Variants in KIF25 observed in about 807,000 individuals in gnomAD.
KIF25 encodes kinesin-like protein KIF25.
In KIF25, 19 loss-of-function variants were observed where a neutral mutation model predicts 32.9. The observed-to-expected ratio is 0.58, with a 90% CI of 0.40 to 0.85. The LOEUF (loss-of-function observed/expected upper bound fraction) is 0.85, where lower values mean the gene tolerates loss of function less well. Ranked by LOEUF, KIF25 falls within the 40% of genes least tolerant of loss-of-function variation. The pLI, the probability that KIF25 is intolerant of heterozygous loss-of-function variation, is 0.00. For synonymous variants in KIF25, 225 were observed against 213.7 expected (o/e 1.05, Z -0.46); for missense variants, 485 against 507.0 (o/e 0.96, Z 0.42).
At chr6:168,014,850 T>C (rs536512812) in intron 4 of KIF25, among the ~76,000 whole-genome samples, 1 of 152,370 alleles carries the variant, frequency 6.6e-6, no homozygotes, top group East Asian at 1.9e-4. Flanking sequence ...TTTCTGGCTT[T>C]GTATCAAGTT....
chr6:168,007,978 C>T (rs1164555720), intron 4 of KIF25, among the ~76,000 whole-genome samples: 1 of 152,204 alleles, frequency 6.6e-6, no homozygotes, highest in Non-Finnish European at 1.5e-5. Flanking sequence ...CTGCATCACT[C>T]TTATCTTAAA....
chr6:168,038,690 C>T lies in KIF25; in HGVS notation c.455C>T (p.Ala152Val), dbSNP rs752507422. 6.2e-7 allele frequency: 1 copy of T among 1,614,104 alleles called. No individual in the cohort carries two copies. The highest frequency in any genetic ancestry group is 8.5e-7 in the Non-Finnish European group (1 of 1,180,018). ...VSGVKREVVT[A>V]KDGRTEVALL... ...GGGGTCAAGCGTGAGGTGGTGACAG[C>T]CAAGGATGGACGGACAGAGGTTGCG... is the stretch of plus-strand genomic sequence containing the variant. The change falls in exon 9 of 13, where the codon GCC (alanine) becomes GTC (valine). Residue 152 changes from alanine (A) to valine (V), a missense_variant. Coordinates refer to ENST00000643607, the MANE Select transcript of KIF25 (RefSeq NM_030615.4).
At chr6:168,038,869 G>A (rs976040065) in intron 9 of KIF25, 140 bp downstream of exon 9, 53 of 752,534 alleles carry the variant, frequency 7.0e-5, no homozygotes, top group Admixed American at 1.7e-4. Flanking sequence ...GTGGTGGCCC[G>A]ATCAGTGCTC....
intron 4 of KIF25, among the ~76,000 whole-genome samples, chr6:168,005,116 G>A (rs1042006041): frequency 2.6e-5 from 4 of 151,856 alleles, no homozygotes; most frequent in African/African-American, 4.8e-5. Context: ...CGAGCTTGGC[G>A]TGCACGAGCC....
At chr6:168,020,486 T>C (rs1413575965) in intron 5 of KIF25, among the ~76,000 whole-genome samples, 4 of 152,106 alleles carry the variant, frequency 2.6e-5, no homozygotes, top group African/African-American at 7.2e-5. Flanking sequence ...AAAAAAACTC[T>C]TCCAAATCTA....
At chr6:168,031,688 A>T (rs1798944569) in intron 7 of KIF25, among the ~76,000 whole-genome samples, 1 of 152,224 alleles carries the variant, frequency 6.6e-6, no homozygotes, top group African/African-American at 2.4e-5. Flanking sequence ...GTCTCTTTTT[A>T]AGTAGGCATC....
At chr6:168,015,720 T>C (rs906530869) in intron 4 of KIF25, among the ~76,000 whole-genome samples, 2 of 152,250 alleles carry the variant, frequency 1.3e-5, no homozygotes, top group African/African-American at 4.8e-5. Context: ...GGGAGGGTTT[T>C]TGGACAGGCA....
intron 2 of KIF25, among the ~76,000 whole-genome samples, chr6:167,999,626 G>A (rs1798469978): frequency 6.6e-6 from 1 of 152,174 alleles, no homozygotes; most frequent in African/African-American, 2.4e-5. Flanking sequence ...CGACCGAACA[G>A]GGACAGGCTT....
Position 168,027,930 on chromosome 6 carries a change from C to T in KIF25, c.-94-1562C>T, listed in dbSNP as rs145908483. Among the ~76,000 whole-genome samples, 1,076 of 152,242 alleles carry T rather than the reference C, an allele frequency of 7.1e-3. 8 individuals are homozygous for T. The highest frequency in any genetic ancestry group is 0.018 in the East Asian group (94 of 5,180). On this transcript the variant is annotated intron_variant, in intron 5 of 12. Transcript: ENST00000643607. ...GATAGAACAGAAATATTTAAGCCGCCGCTACTTTCTCAGTCTGTCGTTTGC... is the reference window on the plus strand; with the variant it reads ...GATAGAACAGAAATATTTAAGCCGCTGCTACTTTCTCAGTCTGTCGTTTGC...
chr6:168,010,042 C>T (rs2843003), intron 4 of KIF25, among the ~76,000 whole-genome samples: 52,014 of 151,502 alleles, frequency 0.34, 9,155 homozygotes, highest in African/African-American at 0.4. Context: ...TTCTGTATTT[C>T]TTGTGTCAAT....
intron 4 of KIF25, among the ~76,000 whole-genome samples, chr6:168,012,847 G>A (rs9355048): frequency 0.34 from 51,322 of 151,846 alleles, 9,015 homozygotes; most frequent in South Asian, 0.42. Flanking sequence ...GGCCTGGGAC[G>A]AGGGCACATG....
At chr6:168,011,736 G>A (rs1030899352) in intron 4 of KIF25, among the ~76,000 whole-genome samples, 6 of 152,156 alleles carry the variant, frequency 3.9e-5, no homozygotes, top group African/African-American at 1.4e-4. Context: ...GACTTGGGAA[G>A]TTTTCTGCTG....
chr6:168,027,475 A>G (rs1269113380), intron 5 of KIF25, among the ~76,000 whole-genome samples: 2 of 141,530 alleles, frequency 1.4e-5, no homozygotes, highest in Non-Finnish European at 3.1e-5. Context: ...AAAAAAAAAA[A>G]GAGAGAGAGA....
At chr6:168,041,615 G>A (rs1211664425) in intron 10 of KIF25, among the ~76,000 whole-genome samples, 1 of 152,208 alleles carries the variant, frequency 6.6e-6, no homozygotes, top group Non-Finnish European at 1.5e-5. Flanking sequence ...GATTTGTGTG[G>A]AAGATTATCG....
intron 8 of KIF25, among the ~76,000 whole-genome samples, chr6:168,036,441 G>T (rs1799027272): frequency 6.6e-6 from 1 of 152,204 alleles, no homozygotes; most frequent in African/African-American, 2.4e-5. Context: ...GGGGAGCTGC[G>T]TGCATTGGAA....
chr6:168,042,331 C>T (rs1006216391), intron 11 of KIF25, among the ~76,000 whole-genome samples, 180 bp downstream of exon 11: 2 of 152,164 alleles, frequency 1.3e-5, no homozygotes, highest in African/African-American at 2.4e-5. Flanking sequence ...CCCGGCAACC[C>T]GAGAGTCGTG....
chr6:168,032,198 C>G (rs1355585611), intron 7 of KIF25, among the ~76,000 whole-genome samples: 2 of 152,220 alleles, frequency 1.3e-5, no homozygotes, highest in Non-Finnish European at 2.9e-5. Flanking sequence ...ATGGCCTGAA[C>G]CAGACTCTGA....
chr6:168,010,453 T>A (rs78163276), intron 4 of KIF25, among the ~76,000 whole-genome samples: 1,739 of 152,234 alleles, frequency 0.011, 2 homozygotes, highest in Non-Finnish European at 0.019. Context: ...CTCTTGTTAT[T>A]GATGTGGACT....
chr6:168,043,941 G>C (rs903993810), intron 12 of KIF25, among the ~76,000 whole-genome samples: 4 of 152,226 alleles, frequency 2.6e-5, no homozygotes, highest in Non-Finnish European at 5.9e-5. Context: ...CCCCAGGGGG[G>C]CCTGAGGGAG....
Sources: gnomAD v4.1 joint callset for allele counts (sites outside exome capture counted in the v4.1 genomes callset) on GRCh38, gnomAD v4.1.1 for gene constraint, MANE v1.5 for transcripts, NCBI Gene and HGNC (gene_info 2026-07-23, HGNC 2026-07-21) for gene names.